NUDT1: variants seen among roughly 807,000 people sequenced by gnomAD.
The protein encoded by NUDT1 is oxidized purine nucleoside triphosphate hydrolase.
In NUDT1, 16 loss-of-function variants were observed where a neutral mutation model predicts 11.3. The ratio of observed to expected loss-of-function variants is 1.41; its 90% CI spans 0.96 to 2.15. The LOEUF is 2.15. Among genes scored for constraint, NUDT1 ranks in the 30% most tolerant of loss-of-function variants. NUDT1 has a pLI of 0.00. For missense variants in NUDT1, 234 were observed against 208.4 expected, an observed-to-expected ratio of 1.12 and a Z score of -0.76; for synonymous variants, 101 against 84.4, an observed-to-expected ratio of 1.20 and a Z score of -1.08.
intron 1 of NUDT1, among the ~76,000 whole-genome samples, chr7:2,243,907 C>A (rs1389816395): frequency 6.6e-6 from 1 of 152,236 alleles, no homozygotes; most frequent in African/African-American, 2.4e-5. Flanking sequence ...GCAGGAAGGA[C>A]CCTTGTGACT....
At position 2,246,484 on chromosome 7, in the gene NUDT1, G is replaced by A. The variant is rs558498529; in HGVS notation, c.152+1758G>A. 1.1e-4 allele frequency among the ~76,000 whole-genome samples: 16 copies of A among 152,374 alleles called. No individual in the cohort carries two copies. In the South Asian group the frequency reaches 2.3e-3, roughly 22 times the overall value. ...CGCCAGCTGTGCAGAGAAGTGGTGGGTGTGAGTGGAGCAGGCAGCGGTGCT... is the reference window on the plus strand; with the variant it reads ...CGCCAGCTGTGCAGAGAAGTGGTGGATGTGAGTGGAGCAGGCAGCGGTGCT... On this transcript the variant is annotated intron_variant, in intron 2 of 3. Coordinates refer to ENST00000356714, the MANE Select transcript of NUDT1 (RefSeq NM_002452.4).
Position 2,249,920 on chromosome 7 carries a change from T to C in NUDT1, c.216T>C (p.Phe72=). The part of the protein sequence containing the change: ...DALHKVGQIV[F]EFVGEPELMD... The stretch of plus-strand genomic sequence containing the variant: ...TGCACAAGGTGGGCCAGATCGTGTT[T>C]GAGTTCGTGGGCGAGCCTGAGCTCA... Residue 72 remains phenylalanine, a synonymous_variant, in exon 3 of 4, where the codon TTT becomes TTC. Coordinates refer to ENST00000356714, the MANE Select transcript of NUDT1 (RefSeq NM_002452.4). 5 of 1,614,196 alleles carry C rather than the reference T, an allele frequency of 3.1e-6. No homozygotes were observed. Among genetic ancestry groups the C allele is most frequent in the Non-Finnish European group, 4.2e-6 (5 of 1,180,018 alleles).
chr7:2,249,927 G>T lies in NUDT1; in HGVS notation c.223G>T (p.Val75Leu), dbSNP rs140145791. Residue 75 changes from valine (V) to leucine (L), a missense_variant, in exon 3 of 4, where the codon GTG (valine) becomes TTG (leucine). Val to Leu is a conservative substitution (Grantham distance 32). Transcript: ENST00000356714. The stretch of plus-strand genomic sequence containing the variant: ...GGTGGGCCAGATCGTGTTTGAGTTC[G>T]TGGGCGAGCCTGAGCTCATGGACGT... ...HKVGQIVFEF[V>L]GEPELMDVHV... 1 of 1,614,088 alleles carries T rather than the reference G, an allele frequency of 6.2e-7. No homozygotes were observed. Among genetic ancestry groups the T allele is most frequent in the African/African-American group, 1.3e-5 (1 of 74,956 alleles).
intron 2 of NUDT1, among the ~76,000 whole-genome samples, chr7:2,248,358 T>C (rs1291988944): frequency 1.3e-5 from 2 of 151,996 alleles, no homozygotes; most frequent in Non-Finnish European, 2.9e-5. Flanking sequence ...AAGCAAACGC[T>C]CAGAACGGGA....
chr7:2,249,044 G>T (rs1584644346), intron 2 of NUDT1, among the ~76,000 whole-genome samples: 1 of 152,212 alleles, frequency 6.6e-6, no homozygotes, highest in African/African-American at 2.4e-5. Flanking sequence ...TAGCAACAGC[G>T]TTAGACTACT....
intron 2 of NUDT1, among the ~76,000 whole-genome samples, chr7:2,246,041 C>T (rs1015409399): frequency 1.3e-5 from 2 of 152,162 alleles, no homozygotes; most frequent in African/African-American, 4.8e-5. Context: ...GGAGGAGGAC[C>T]ACTGGGTGTG....
rs762075908 is a variant in NUDT1, at chr7:2,244,583, C to A, written c.9C>A (p.Ala3=). 5 of 1,593,860 alleles carry A rather than the reference C, an allele frequency of 3.1e-6. No homozygotes were observed. The African/African-American group carries it at 6.7e-5, about 21-fold the overall frequency. The change falls in exon 2 of 4, where the codon GCC becomes GCA. Residue 3 remains alanine (A), a synonymous_variant. Coordinates refer to ENST00000356714, the MANE Select transcript of NUDT1 (RefSeq NM_002452.4). MG[A]SRLYTLVLVL... Reference sequence around the variant, plus strand: ...TTCAGAACCCAGGGACCATGGGCGCCTCCAGGCTCTATACCCTGGTGCTGG... The same window carrying A: ...TTCAGAACCCAGGGACCATGGGCGCATCCAGGCTCTATACCCTGGTGCTGG...
chr7:2,242,426 AG>A, intron 1 of NUDT1, 170 bp downstream of exon 1: 1 of 485,652 alleles, frequency 2.1e-6, no homozygotes, highest in Non-Finnish European at 3.6e-6. Flanking sequence ...GGAGACGAGG[AG>A]AGCGGGGCCG....
chr7:2,242,459 G>C (rs1248913247), intron 1 of NUDT1: 1 of 497,036 alleles, frequency 2.0e-6, no homozygotes, highest in Non-Finnish European at 3.5e-6. Flanking sequence ...GAGAGACAAG[G>C]AGAGCGGGGC....
chr7:2,247,492 G>A (rs3807429), intron 2 of NUDT1, among the ~76,000 whole-genome samples: 137,684 of 152,202 alleles, frequency 0.9, 62,481 homozygotes, highest in Non-Finnish European at 0.94. Context: ...AGCATCCCTG[G>A]TCCCCAAAGA....
chr7:2,249,730 TG>T, intron 2 of NUDT1, 126 bp from the exon 3 acceptor site: 1 of 1,156,504 alleles, frequency 8.6e-7, no homozygotes, highest in Non-Finnish European at 1.2e-6. Flanking sequence ...GACATCCTCC[TG>T]GGTCTCCCAT....
At chr7:2,250,437 A>T (rs1264625741) in intron 3 of NUDT1, among the ~76,000 whole-genome samples, 2 of 112,156 alleles carry the variant, frequency 1.8e-5, no homozygotes, top group Non-Finnish European at 4.4e-5. Context: ...CCATCTCTAC[A>T]AAAAAACATG....
intron 2 of NUDT1, among the ~76,000 whole-genome samples, chr7:2,247,454 C>T (rs749180707): frequency 5.9e-5 from 9 of 152,148 alleles, no homozygotes; most frequent in Admixed American, 1.3e-4. Context: ...GGGCTTCAGG[C>T]GCACAGTGTG....
intron 1 of NUDT1, chr7:2,242,769 C>T (rs1210668254): frequency 5.9e-6 from 3 of 504,774 alleles, no homozygotes; most frequent in Admixed American, 3.2e-5. Flanking sequence ...TCCCACCCCA[C>T]GGCAGTGTCT....
intron 2 of NUDT1, among the ~76,000 whole-genome samples, chr7:2,245,458 T>C (rs1431812515): frequency 6.6e-6 from 1 of 152,216 alleles, no homozygotes; most frequent in Non-Finnish European, 1.5e-5. Flanking sequence ...CATCACAACC[T>C]GCAGTAAGAA....
At position 2,242,703 on chromosome 7, in the gene NUDT1, C is replaced by A. The variant is rs866713818; in HGVS notation, c.-13+447C>A. On this transcript the variant is annotated intron_variant, in intron 1 of 3. Coordinates refer to ENST00000356714, the MANE Select transcript of NUDT1 (RefSeq NM_002452.4). ...GCGATGAGGATGTGGCTCACTTCTT[C>A]AGTGCCCCGCTTCTCAAGCCTCTAG... The A allele has an allele frequency of 1.4e-4, 60 of 426,022 alleles. 1 individual carries two copies. Among genetic ancestry groups the A allele is most frequent in the South Asian group, 1.0e-3 (26 of 25,610 alleles). The allele number at this position is 426,022 out of a possible 1,614,324, so 26.4% of individuals were successfully genotyped here.
intron 2 of NUDT1, among the ~76,000 whole-genome samples, chr7:2,246,834 C>T (rs911118329): frequency 6.6e-6 from 1 of 152,126 alleles, no homozygotes; most frequent in Non-Finnish European, 1.5e-5. Flanking sequence ...CCAGGCTGGT[C>T]TTGAACACCT....
In NUDT1 at chr7:2,249,872, G is replaced by T. The variant is rs773026608; in HGVS notation, c.168G>T (p.Glu56Asp). ...EDGARRELQE[E>D]SGLTVDALHK... Reference sequence around the variant, plus strand: ...CTGCCCGCAGGGAGCTGCAGGAGGAGAGCGGTCTGACAGTGGACGCCCTGC... The same window carrying T: ...CTGCCCGCAGGGAGCTGCAGGAGGATAGCGGTCTGACAGTGGACGCCCTGC... The change falls in exon 3 of 4, where the codon GAG becomes GAT. Residue 56 changes from glutamate to aspartate, a missense_variant. By Grantham distance (45) the Glu-to-Asp change is conservative (BLOSUM62 2). Coordinates refer to ENST00000356714, the MANE Select transcript of NUDT1 (RefSeq NM_002452.4). 1.2e-6 allele frequency: 2 copies of T among 1,613,824 alleles called. No homozygotes were observed. The highest frequency in any genetic ancestry group is 2.2e-5 in the South Asian group (2 of 91,086).
chr7:2,242,323 C>T (rs1234203567), intron 1 of NUDT1, 67 bp downstream of exon 1: 2 of 680,372 alleles, frequency 2.9e-6, no homozygotes, highest in East Asian at 3.3e-5. Context: ...GGCCAGCGGG[C>T]GGCAGGAGAC....
Sources: allele counts gnomAD v4.1 joint callset (sites outside exome capture counted in the v4.1 genomes callset), GRCh38; gene constraint gnomAD v4.1.1; transcripts MANE v1.5; gene names NCBI Gene and HGNC (gene_info 2026-07-23, HGNC 2026-07-21).